Variants in LIMS1 observed in about 807,000 individuals in gnomAD.
LIMS1 encodes the protein LIM zinc finger domain containing 1.
Under a neutral mutation model 44.1 loss-of-function variants are expected in LIMS1, and 18 were observed. The observed-to-expected ratio is 0.41, with a 90% confidence interval of 0.28 to 0.61. The LOEUF is 0.61. Among genes scored for constraint, LIMS1 ranks in the 20% least tolerant of loss-of-function variants. The probability of loss-of-function intolerance (pLI) is 0.32; values close to 1 mark genes in which losing one functional copy is unlikely to be tolerated. For missense variants in LIMS1, 201 were observed against 422.0 expected, an observed-to-expected ratio of 0.48 and a Z score of 4.59; for synonymous variants, 93 against 149.1, an observed-to-expected ratio of 0.62 and a Z score of 2.74.
intron 1 of LIMS1, among the ~76,000 whole-genome samples, chr2:108,552,305 G>GTA (rs947698207): frequency 2.9e-5 from 4 of 135,772 alleles, no homozygotes; most frequent in Non-Finnish European, 6.3e-5. Flanking sequence ...TATACGTGTA[G>GTA]TATATATATG....
chr2:108,540,122 T>C (rs1416856354), intron 1 of LIMS1, among the ~76,000 whole-genome samples: 1 of 152,018 alleles, frequency 6.6e-6, no homozygotes, highest in Non-Finnish European at 1.5e-5. Context: ...ATACTAAGTG[T>C]TTGAAGTGGA....
chr2:108,675,350 G>A (rs1446798542), intron 5 of LIMS1, among the ~76,000 whole-genome samples: 1 of 152,018 alleles, frequency 6.6e-6, no homozygotes, highest in Non-Finnish European at 1.5e-5. Flanking sequence ...AGAGAAGGAA[G>A]GAGGCTGAAC....
chr2:108,598,942 G>A (rs1236750442), intron 1 of LIMS1, among the ~76,000 whole-genome samples: 1 of 152,120 alleles, frequency 6.6e-6, no homozygotes, highest in African/African-American at 2.4e-5. Flanking sequence ...ACTTCAGTCT[G>A]TGGGCCAAAT....
chr2:108,605,856 T>C (rs1476894516), intron 1 of LIMS1, among the ~76,000 whole-genome samples: 2 of 152,182 alleles, frequency 1.3e-5, no homozygotes, highest in African/African-American at 4.8e-5. Flanking sequence ...CTCTGTAGTC[T>C]CCTAAAGGGG....
intron 1 of LIMS1, among the ~76,000 whole-genome samples, chr2:108,592,046 C>T (rs900193536): frequency 2.6e-5 from 4 of 152,096 alleles, no homozygotes; most frequent in Non-Finnish European, 5.9e-5. Flanking sequence ...CCACGTGCCT[C>T]GGCCTCCCAA....
intron 2 of LIMS1, among the ~76,000 whole-genome samples, chr2:108,663,874 GCTC>G (rs1691559294): frequency 1.3e-5 from 2 of 151,972 alleles, no homozygotes; most frequent in South Asian, 4.2e-4. Context: ...CCTGCCTGAG[GCTC>G]CCAAGTAGCT....
At chr2:108,573,264 A>G (rs1264913290) in intron 1 of LIMS1, among the ~76,000 whole-genome samples, 1 of 151,256 alleles carries the variant, frequency 6.6e-6, no homozygotes, top group Admixed American at 6.6e-5. Flanking sequence ...ACACTGAGCA[A>G]TACTGATCAG....
chr2:108,687,154 GC>G (rs1340651794), exon 10 of LIMS1: 1 of 152,112 alleles, frequency 6.6e-6, no homozygotes. Flanking sequence ...AAGCTCAATG[GC>G]AGGGATACTA....
At chr2:108,661,285 CA>C (rs1349955772) in intron 2 of LIMS1, among the ~76,000 whole-genome samples, 3 of 150,468 alleles carry the variant, frequency 2.0e-5, no homozygotes, top group Non-Finnish European at 4.4e-5. Context: ...TTCCCAACAA[CA>C]AAAACCTTAG....
At chr2:108,544,450 G>A (rs1433593738) in intron 1 of LIMS1, among the ~76,000 whole-genome samples, 1 of 152,072 alleles carries the variant, frequency 6.6e-6, no homozygotes, top group Non-Finnish European at 1.5e-5. Context: ...AAAATACAGA[G>A]AATAATATGT....
chr2:108,610,148 ATGTGTGTGTGTGTGTGTGTGTGTG>A (rs60571292), intron 1 of LIMS1, among the ~76,000 whole-genome samples: 1,776 of 143,386 alleles, frequency 0.012, 45 homozygotes, highest in African/African-American at 0.045. Context: ...GTTACAAAAA[ATGTGTGTGTGTGTGTGTGTGTGTG>A]TGTGTGTGTG....
intron 1 of LIMS1, among the ~76,000 whole-genome samples, chr2:108,553,745 C>T (rs1684834537): frequency 6.6e-6 from 1 of 152,158 alleles, no homozygotes; most frequent in Non-Finnish European, 1.5e-5. Context: ...GGCCGTACAC[C>T]CCCAGAACTG....
At chr2:108,681,853 T>G (rs185646748) in intron 9 of LIMS1, among the ~76,000 whole-genome samples, 341 of 150,666 alleles carry the variant, frequency 2.3e-3, no homozygotes, top group African/African-American at 7.8e-3. Flanking sequence ...TGACTGCCAC[T>G]GCACTCCAGC....
chr2:108,667,330 C>T (rs2438770), intron 2 of LIMS1, among the ~76,000 whole-genome samples: 2 of 152,016 alleles, frequency 1.3e-5, no homozygotes, highest in Non-Finnish European at 1.5e-5. Context: ...AAAGCAGTAT[C>T]GCTTTTTGAC....
At chr2:108,591,332 C>T (rs1213841252) in intron 1 of LIMS1, among the ~76,000 whole-genome samples, 3 of 152,064 alleles carry the variant, frequency 2.0e-5, no homozygotes, top group East Asian at 3.9e-4. Context: ...GCAAATGATG[C>T]GGTGGGGCCT....
chr2:108,568,195 C>G (rs1685360765), intron 1 of LIMS1, among the ~76,000 whole-genome samples: 1 of 152,066 alleles, frequency 6.6e-6, no homozygotes, highest in African/African-American at 2.4e-5. Context: ...ATTATATGTC[C>G]CTTCACTTAA....
intron 1 of LIMS1, among the ~76,000 whole-genome samples, chr2:108,586,818 G>A (rs940163239): frequency 1.2e-4 from 18 of 152,272 alleles, no homozygotes; most frequent in African/African-American, 4.1e-4. Flanking sequence ...GCTGCTTCCC[G>A]GGGTTTATGT....
intron 1 of LIMS1, among the ~76,000 whole-genome samples, chr2:108,586,213 A>G (rs1038724943): frequency 1.3e-5 from 2 of 152,112 alleles, no homozygotes; most frequent in African/African-American, 4.8e-5. Context: ...AAAAACAAAA[A>G]AACAAACAAA....
intron 1 of LIMS1, among the ~76,000 whole-genome samples, chr2:108,650,413 C>CTTTTTTT (rs113015874): frequency 1.4e-5 from 2 of 145,176 alleles, no homozygotes; most frequent in Admixed American, 6.9e-5. Flanking sequence ...CTTTTCTTTT[C>CTTTTTTT]TTTTTTTTTT....
Sources: gnomAD v4.1 joint callset for allele counts (sites outside exome capture counted in the v4.1 genomes callset) on GRCh38, gnomAD v4.1.1 for gene constraint, MANE v1.5 for transcripts, NCBI Gene and HGNC (gene_info 2026-07-23, HGNC 2026-07-21) for gene names.